Variants in EEF2K observed in about 807,000 individuals in gnomAD.
EEF2K encodes eukaryotic elongation factor 2 kinase, also known as alternative protein EEF2K.
In EEF2K, 70 loss-of-function variants were observed where a neutral mutation model predicts 93.8. That is an observed-to-expected ratio of 0.75 (90% CI 0.62 to 0.91). The LOEUF (loss-of-function observed/expected upper bound fraction) is 0.91, where lower values mean the gene tolerates loss of function less well. Ranked by LOEUF, EEF2K falls within the 40% of genes least tolerant of loss-of-function variation. The probability of loss-of-function intolerance (pLI) is 0.00; values close to 1 mark genes in which losing one functional copy is unlikely to be tolerated. For missense variants in EEF2K, 935 were observed against 972.9 expected (o/e 0.96, Z 0.52); for synonymous variants, 376 against 380.8 (o/e 0.99, Z 0.15).
At chr16:22,226,988 T>C (rs918894644) in intron 2 of EEF2K, among the ~76,000 whole-genome samples, 9 of 152,044 alleles carry the variant, frequency 5.9e-5, no homozygotes, top group African/African-American at 1.7e-4. Context: ...TCACCTGAGG[T>C]AGGAGTTCTA....
chr16:22,235,757 CA>C (rs2141659123), intron 2 of EEF2K, among the ~76,000 whole-genome samples: 1 of 151,876 alleles, frequency 6.6e-6, no homozygotes, highest in South Asian at 2.1e-4. Flanking sequence ...CTCAGCCTCC[CA>C]AAGTGTTGAG....
At chr16:22,234,796 G>A (rs1225853259) in intron 2 of EEF2K, among the ~76,000 whole-genome samples, 2 of 150,822 alleles carry the variant, frequency 1.3e-5, no homozygotes, top group African/African-American at 4.9e-5. Flanking sequence ...TGCCTTTTCT[G>A]GACGTTTTAC....
chr16:22,232,578 C>T (rs558549650), intron 2 of EEF2K, among the ~76,000 whole-genome samples: 2 of 152,248 alleles, frequency 1.3e-5, no homozygotes, highest in Admixed American at 1.3e-4. Context: ...CTCTGCCTTC[C>T]GTGGGGCTCT....
chr16:22,269,237 G>A (rs1215740855), intron 15 of EEF2K, among the ~76,000 whole-genome samples: 7 of 151,816 alleles, frequency 4.6e-5, no homozygotes, highest in Non-Finnish European at 1.0e-4. Context: ...TTGTTTCTTC[G>A]GGCTTCTGGG....
intron 12 of EEF2K, 63 bp downstream of exon 12, chr16:22,263,250 T>A: frequency 5.4e-6 from 8 of 1,479,626 alleles, no homozygotes; most frequent in South Asian, 1.2e-5. Context: ...TCCAGGAAAA[T>A]GAAAACTCCC....
At chr16:22,266,221 CAAAA>C (rs371101977) in intron 13 of EEF2K, among the ~76,000 whole-genome samples, 165 bp from the exon 14 acceptor site, 1 of 123,164 alleles carries the variant, frequency 8.1e-6, no homozygotes. Flanking sequence ...GACTCTGTCT[CAAAA>C]AAAAAAAAAA....
intron 16 of EEF2K, among the ~76,000 whole-genome samples, chr16:22,279,188 AAATTGTTGT>A (rs1317800026): frequency 1.3e-5 from 2 of 151,906 alleles, no homozygotes; most frequent in East Asian, 3.9e-4. Flanking sequence ...ATCTATGGGA[AAATTGTTGT>A]AATATACTGA....
intron 1 of EEF2K, among the ~76,000 whole-genome samples, chr16:22,225,433 T>G (rs907809283): frequency 1.3e-5 from 2 of 152,312 alleles, no homozygotes; most frequent in African/African-American, 4.8e-5. Context: ...TTCCAACATT[T>G]GCAAACACTG....
At chr16:22,231,998 C>CAAAAAAAA (rs35198909) in intron 2 of EEF2K, among the ~76,000 whole-genome samples, 23 of 65,976 alleles carry the variant, frequency 3.5e-4, no homozygotes, top group East Asian at 5.0e-4. Context: ...CTTAAACAAA[C>CAAAAAAAA]AAAAAAAAAA....
chr16:22,247,594 C>T (rs76256386), intron 3 of EEF2K, among the ~76,000 whole-genome samples: 1,820 of 152,234 alleles, frequency 0.012, 14 homozygotes, highest in Non-Finnish European at 0.019. Flanking sequence ...CAAGAAGAAT[C>T]GCAACAGGCC....
chr16:22,262,509 CA>C (rs368118784), intron 11 of EEF2K, among the ~76,000 whole-genome samples: 3 of 147,994 alleles, frequency 2.0e-5, no homozygotes, highest in East Asian at 3.9e-4. Context: ...GACTCCATCT[CA>C]AAAAAAAAAT....
At chr16:22,273,891 T>C (rs2047609530) in intron 16 of EEF2K, 141 bp downstream of exon 16, 2 of 1,245,966 alleles carry the variant, frequency 1.6e-6, no homozygotes, top group Admixed American at 2.9e-5. Context: ...TTATTTTACC[T>C]CCCTGGCCTC....
Position 22,275,491 on chromosome 16 carries a change from T to C in EEF2K, c.1889+1741T>C, listed in dbSNP as rs981301175. Among the ~76,000 whole-genome samples the C allele has an allele frequency of 2.1e-5, 3 of 144,990 alleles. No homozygotes were observed. The South Asian group carries it at 6.7e-4, about 33-fold the overall frequency. On this transcript the variant is annotated intron_variant, in intron 16 of 17. Coordinates refer to ENST00000263026, the MANE Select transcript of EEF2K (RefSeq NM_013302.5). The stretch of plus-strand genomic sequence containing the variant: ...CCAAGTAGCTGGTATTACAGGTGCC[T>C]GCCACTGTACCCGGCTAATTTTTAT...
chr16:22,213,431 T>A (rs1023968808), intron 1 of EEF2K, among the ~76,000 whole-genome samples: 2 of 152,212 alleles, frequency 1.3e-5, no homozygotes, highest in Non-Finnish European at 2.9e-5. Flanking sequence ...ATCCACTAGA[T>A]GCTAGTTGCA....
At chr16:22,265,460 C>A (rs1423543933) in intron 13 of EEF2K, among the ~76,000 whole-genome samples, 1 of 152,200 alleles carries the variant, frequency 6.6e-6, no homozygotes, top group Non-Finnish European at 1.5e-5. Flanking sequence ...CTCTTCAAAT[C>A]CTACCTGCTC....
intron 1 of EEF2K, among the ~76,000 whole-genome samples, chr16:22,216,193 C>T (rs1258897381): frequency 6.6e-6 from 1 of 152,148 alleles, no homozygotes; most frequent in South Asian, 2.1e-4. Context: ...GAAGGAAACT[C>T]GGGACTCCAG....
chr16:22,258,091 G>C lies in EEF2K; in HGVS notation c.1029+321G>C, dbSNP rs550558620. On this transcript the variant is annotated intron_variant, in intron 9 of 17. Coordinates refer to ENST00000263026, the MANE Select transcript of EEF2K (RefSeq NM_013302.5). ...GTGTTTGTGTGATGTATTGACAAAT[G>C]ACTGAACTAGTCTTAGACCTGGCTC... 3.3e-5 allele frequency among the ~76,000 whole-genome samples: 5 copies of C among 152,230 alleles called. No homozygotes were observed. In the East Asian group the frequency reaches 9.7e-4, roughly 29 times the overall value.
At chr16:22,273,889 C>A in intron 16 of EEF2K, 139 bp downstream of exon 16, 1 of 1,238,370 alleles carries the variant, frequency 8.1e-7, no homozygotes, top group South Asian at 1.6e-5. Flanking sequence ...ACTTATTTTA[C>A]CTCCCTGGCC....
intron 1 of EEF2K, among the ~76,000 whole-genome samples, chr16:22,212,704 A>G (rs1266963840): frequency 6.6e-6 from 1 of 152,156 alleles, no homozygotes; most frequent in East Asian, 1.9e-4. Context: ...CCTTAAAATT[A>G]CACCAGAGGC....
Sources: gnomAD v4.1 joint callset for allele counts (sites outside exome capture counted in the v4.1 genomes callset) on GRCh38, gnomAD v4.1.1 for gene constraint, MANE v1.5 for transcripts, NCBI Gene and HGNC (gene_info 2026-07-23, HGNC 2026-07-21) for gene names.